Variants in GPC5 observed in about 807,000 individuals in gnomAD.
GPC5 encodes the protein glypican 5.
Under a neutral mutation model 53.9 loss-of-function variants are expected in GPC5, and 47 were observed. The ratio of observed to expected loss-of-function variants is 0.87; its 90% CI spans 0.69 to 1.11. GPC5 has a LOEUF of 1.11. Among genes scored for constraint, GPC5 ranks in the 50% most tolerant of loss-of-function variants. The probability of loss-of-function intolerance (pLI) is 0.00; values close to 1 mark genes in which losing one functional copy is unlikely to be tolerated. For synonymous variants in GPC5, 286 were observed against 263.3 expected (o/e 1.09, Z -0.84); for missense variants, 748 against 713.1 (o/e 1.05, Z -0.56).
At chr13:91,513,435 C>A (rs1228686099) in intron 2 of GPC5, among the ~76,000 whole-genome samples, 2 of 151,882 alleles carry the variant, frequency 1.3e-5, no homozygotes, top group African/African-American at 4.8e-5. Flanking sequence ...GCTTGACTCA[C>A]CACTGTTAAG....
In GPC5 at chr13:92,286,528, A is replaced by T. The variant is rs375321698; in HGVS notation, c.1561+141539A>T. On this transcript the variant is annotated intron_variant, in intron 7 of 7. Coordinates refer to ENST00000377067, the MANE Select transcript of GPC5 (RefSeq NM_004466.6). ...AGACTGGATTAAGAAAATGTGGCAC[A>T]TATACACCATGGAATACTATACAGC... Among the ~76,000 whole-genome samples the T allele has an allele frequency of 5.9e-5, 9 of 152,212 alleles. 1 individual carries two copies. The East Asian group carries it at 7.7e-4, about 13-fold the overall frequency.
intron 7 of GPC5, among the ~76,000 whole-genome samples, chr13:92,393,048 G>C (rs565087875): frequency 6.6e-6 from 1 of 152,120 alleles, no homozygotes; most frequent in Admixed American, 6.5e-5. Context: ...CCTGTTACTG[G>C]GCAGATTCCC....
chr13:92,309,563 C>A (rs767471527), intron 7 of GPC5, among the ~76,000 whole-genome samples: 3 of 151,980 alleles, frequency 2.0e-5, no homozygotes, highest in Non-Finnish European at 4.4e-5. Context: ...ATATAAACAT[C>A]ATTTAAAATA....
intron 2 of GPC5, among the ~76,000 whole-genome samples, chr13:91,651,403 T>G (rs1430216386): frequency 6.6e-6 from 1 of 152,212 alleles, no homozygotes; most frequent in Non-Finnish European, 1.5e-5. Flanking sequence ...TAACTCTATG[T>G]GCACTTTGGT....
rs554623632 is a variant in GPC5 at position 91,941,300 on chromosome 13, T to G, written c.1401+33243T>G. On this transcript the variant is annotated intron_variant, in intron 6 of 7. Coordinates refer to ENST00000377067, the MANE Select transcript of GPC5 (RefSeq NM_004466.6). ...GGCAGTGTGGTGCATCCGGCTTTGT[T>G]CTTTTTGCTTAGGATTGCTTTGGCT... is the stretch of plus-strand genomic sequence containing the variant. 2.0e-5 allele frequency among the ~76,000 whole-genome samples: 3 copies of G among 152,276 alleles called. No individual in the cohort carries two copies. The East Asian group carries it at 5.8e-4, about 29-fold the overall frequency.
intron 7 of GPC5, among the ~76,000 whole-genome samples, chr13:92,631,673 A>G: frequency 6.6e-6 from 1 of 152,134 alleles, no homozygotes. Flanking sequence ...AATATGGTTG[A>G]GTTTCTGTAG....
chr13:91,612,564 G>A lies in GPC5; in HGVS notation c.326-80623G>A, dbSNP rs115978509. 8.8e-3 allele frequency among the ~76,000 whole-genome samples: 1,336 copies of A among 152,146 alleles called. 19 individuals are homozygous for A. Among genetic ancestry groups the A allele is most frequent in the African/African-American group, 0.03 (1,262 of 41,480 alleles). On this transcript the variant is annotated intron_variant, in intron 2 of 7. Coordinates refer to ENST00000377067, the MANE Select transcript of GPC5 (RefSeq NM_004466.6). Reference sequence around the variant, plus strand: ...GAAGTAAAATATTCAAATATAAAGGGGAATCTACGATGTTAGCGAGTGATG... The same window carrying A: ...GAAGTAAAATATTCAAATATAAAGGAGAATCTACGATGTTAGCGAGTGATG...
chr13:92,293,951 TA>T (rs2043015913), intron 7 of GPC5, among the ~76,000 whole-genome samples: 2 of 150,690 alleles, frequency 1.3e-5, no homozygotes, highest in East Asian at 3.9e-4. Flanking sequence ...GAGATGATCA[TA>T]TGTTTTTTTG....
At chr13:92,075,560 G>A (rs1290522555) in intron 6 of GPC5, among the ~76,000 whole-genome samples, 1 of 151,946 alleles carries the variant, frequency 6.6e-6, no homozygotes, top group African/African-American at 2.4e-5. Context: ...GATAAATTCT[G>A]AATAAAAATT....
At chr13:92,018,600 T>C (rs2138786964) in intron 6 of GPC5, among the ~76,000 whole-genome samples, 1 of 152,246 alleles carries the variant, frequency 6.6e-6, no homozygotes, top group East Asian at 1.9e-4. Flanking sequence ...TTTATGTCAT[T>C]ATATATTTAA....
chr13:91,695,597 G>C (rs982416343), intron 3 of GPC5, among the ~76,000 whole-genome samples: 2 of 152,046 alleles, frequency 1.3e-5, no homozygotes, highest in East Asian at 3.9e-4. Flanking sequence ...GGATGGTCTC[G>C]TTCTCCTGAC....
intron 6 of GPC5, among the ~76,000 whole-genome samples, chr13:91,981,458 T>A (rs2040358319): frequency 6.6e-6 from 1 of 152,074 alleles, no homozygotes; most frequent in African/African-American, 2.4e-5. Flanking sequence ...CCCGGCTAAT[T>A]TTTTGTATTT....
At chr13:91,927,352 T>C (rs1340921926) in intron 6 of GPC5, among the ~76,000 whole-genome samples, 1 of 152,172 alleles carries the variant, frequency 6.6e-6, no homozygotes, top group East Asian at 1.9e-4. Context: ...TTTCTCAATT[T>C]ATTGTAGTAG....
At chr13:92,616,376 T>C (rs569612100) in intron 7 of GPC5, among the ~76,000 whole-genome samples, 1 of 152,294 alleles carries the variant, frequency 6.6e-6, no homozygotes, top group African/African-American at 2.4e-5. Context: ...TATGCTTATT[T>C]AATAAGACTA....
At chr13:91,547,590 TACA>T (rs967392818) in intron 2 of GPC5, among the ~76,000 whole-genome samples, 2 of 152,116 alleles carry the variant, frequency 1.3e-5, no homozygotes, top group Non-Finnish European at 2.9e-5. Context: ...ACCAATTCTC[TACA>T]ACATCTTTCA....
At chr13:92,712,671 C>T (rs1450640253) in intron 7 of GPC5, among the ~76,000 whole-genome samples, 1 of 152,138 alleles carries the variant, frequency 6.6e-6, no homozygotes. Context: ...TTGCAAACCA[C>T]ATGATACAGA....
At chr13:92,492,357 G>T (rs139753159) in intron 7 of GPC5, among the ~76,000 whole-genome samples, 6 of 151,832 alleles carry the variant, frequency 4.0e-5, no homozygotes, top group East Asian at 3.9e-4. Flanking sequence ...GGTGGGAGAG[G>T]GGGGAGGGAT....
At chr13:92,740,690 G>C (rs1302312288) in intron 7 of GPC5, among the ~76,000 whole-genome samples, 1 of 151,858 alleles carries the variant, frequency 6.6e-6, no homozygotes, top group Non-Finnish European at 1.5e-5. Flanking sequence ...TTGGTAGGAT[G>C]TCTACACATG....
chr13:92,627,575 A>C (rs1033837159), intron 7 of GPC5, among the ~76,000 whole-genome samples: 1 of 152,236 alleles, frequency 6.6e-6, no homozygotes, highest in African/African-American at 2.4e-5. Context: ...TGTAATTCAT[A>C]AAATGAAATA....
Sources: allele counts gnomAD v4.1 joint callset (sites outside exome capture counted in the v4.1 genomes callset), GRCh38; gene constraint gnomAD v4.1.1; transcripts MANE v1.5; gene names NCBI Gene and HGNC (gene_info 2026-07-23, HGNC 2026-07-21).